SAMD12: variants seen among roughly 807,000 people sequenced by gnomAD.
The protein encoded by SAMD12 is sterile alpha motif domain-containing protein 12.
In SAMD12, 9 loss-of-function variants were observed where a neutral mutation model predicts 15.0. That is an observed-to-expected ratio of 0.60 (90% confidence interval 0.36 to 1.05). The LOEUF is 1.05. Among genes scored for constraint, SAMD12 ranks in the 50% least tolerant of loss-of-function variants. The probability of loss-of-function intolerance (pLI) is 0.01; values close to 1 mark genes in which losing one functional copy is unlikely to be tolerated. For missense variants in SAMD12, 230 were observed against 234.2 expected (o/e 0.98, Z 0.12); for synonymous variants, 86 against 90.1 (o/e 0.96, Z 0.25).
intron 4 of SAMD12, among the ~76,000 whole-genome samples, chr8:118,240,242 T>C (rs527717812): frequency 2.0e-5 from 3 of 152,220 alleles, no homozygotes; most frequent in Admixed American, 2.0e-4. Context: ...GCAGCCCTGA[T>C]TGACACATTG....
chr8:118,146,796 G>A, the SAMD12 span, among the ~76,000 whole-genome samples: 1 of 152,154 alleles, frequency 6.6e-6, no homozygotes, highest in Non-Finnish European at 1.5e-5. Context: ...AAAGAGCCAA[G>A]AATGTTTTTT....
At chr8:118,591,970 T>C (rs951552807) in intron 1 of SAMD12, among the ~76,000 whole-genome samples, 7 of 151,998 alleles carry the variant, frequency 4.6e-5, no homozygotes, top group Non-Finnish European at 1.0e-4. Context: ...GTGATACCTA[T>C]TAAAAAAAGG....
chr8:118,305,588 C>T (rs762340050), intron 4 of SAMD12, among the ~76,000 whole-genome samples: 3 of 152,158 alleles, frequency 2.0e-5, no homozygotes, highest in Non-Finnish European at 4.4e-5. Context: ...CTGCTGTGAA[C>T]ATTGGTGTAC....
chr8:118,162,661 G>A, the SAMD12 span, among the ~76,000 whole-genome samples: 9 of 152,168 alleles, frequency 5.9e-5, no homozygotes, highest in Non-Finnish European at 1.3e-4. Flanking sequence ...CATCACAAAA[G>A]TGATTACTGA....
chr8:118,323,829 A>G (rs1221644327), intron 4 of SAMD12, among the ~76,000 whole-genome samples: 4 of 151,964 alleles, frequency 2.6e-5, no homozygotes, highest in African/African-American at 9.7e-5. Flanking sequence ...TCCTGTCTCA[A>G]AAAAAAATCT....
At chr8:118,446,086 G>A (rs1017161303) in intron 2 of SAMD12, among the ~76,000 whole-genome samples, 6 of 151,984 alleles carry the variant, frequency 3.9e-5, no homozygotes, top group East Asian at 1.9e-4. Context: ...TTATTTTCCC[G>A]TATTTGCATA....
At chr8:118,461,420 C>T (rs1036147901) in intron 2 of SAMD12, among the ~76,000 whole-genome samples, 1 of 152,140 alleles carries the variant, frequency 6.6e-6, no homozygotes, top group Admixed American at 6.5e-5. Flanking sequence ...TGAATGTATT[C>T]TCACTGTAAC....
At chr8:118,165,622 A>ATATGTG in the SAMD12 span, among the ~76,000 whole-genome samples, 1 of 135,852 alleles carries the variant, frequency 7.4e-6, no homozygotes, top group African/African-American at 3.2e-5. Flanking sequence ...ATGTATATAT[A>ATATGTG]TATATATATA....
At chr8:118,216,429 G>A (rs1586352356) in intron 4 of SAMD12, among the ~76,000 whole-genome samples, 1 of 151,694 alleles carries the variant, frequency 6.6e-6, no homozygotes, top group Admixed American at 6.6e-5. Context: ...CACTCTGATG[G>A]TAGTTTCTTT....
chr8:118,582,849 G>A (rs1215196143), intron 1 of SAMD12, among the ~76,000 whole-genome samples: 1 of 151,110 alleles, frequency 6.6e-6, no homozygotes, highest in African/African-American at 2.4e-5. Context: ...GTCCAGTGAT[G>A]GCACAAGTTC....
the SAMD12 span, among the ~76,000 whole-genome samples, chr8:118,136,155 G>C: frequency 5.3e-5 from 8 of 151,984 alleles, no homozygotes; most frequent in African/African-American, 1.7e-4. Flanking sequence ...TCAGCCTCCT[G>C]AGTAGCTGGG....
At chr8:118,454,485 C>T (rs947535197) in intron 2 of SAMD12, among the ~76,000 whole-genome samples, 14 of 152,122 alleles carry the variant, frequency 9.2e-5, no homozygotes, top group Non-Finnish European at 1.8e-4. Context: ...AAAGATCAAG[C>T]CTTGGTGAAT....
intron 2 of SAMD12, among the ~76,000 whole-genome samples, chr8:118,481,108 A>G (rs536555207): frequency 6.6e-6 from 1 of 151,852 alleles, no homozygotes; most frequent in African/African-American, 2.4e-5. Context: ...AAGCCTGGCT[A>G]ATTTTTTTTT....
intron 3 of SAMD12, among the ~76,000 whole-genome samples, chr8:118,433,591 T>C (rs1485095508): frequency 6.6e-6 from 1 of 152,156 alleles, no homozygotes; most frequent in Non-Finnish European, 1.5e-5. Flanking sequence ...TTTAGAAAGC[T>C]AGTAAGTGTT....
At chr8:118,164,347 C>T in the SAMD12 span, among the ~76,000 whole-genome samples, 1 of 152,168 alleles carries the variant, frequency 6.6e-6, no homozygotes, top group Admixed American at 6.5e-5. Flanking sequence ...GTTTCTGCTT[C>T]AGCTGTAACT....
intron 4 of SAMD12, among the ~76,000 whole-genome samples, chr8:118,266,028 G>A (rs1813190878): frequency 6.6e-6 from 1 of 152,120 alleles, no homozygotes; most frequent in African/African-American, 2.4e-5. Context: ...ATTCCAAAGG[G>A]CTGAGGAGGC....
intron 2 of SAMD12, among the ~76,000 whole-genome samples, chr8:118,533,902 C>G (rs1351702559): frequency 6.6e-6 from 1 of 152,074 alleles, no homozygotes; most frequent in Non-Finnish European, 1.5e-5. Context: ...ATCCAATTTG[C>G]CAGTCTGTGT....
At chr8:118,364,860 G>A (rs1818689393) in intron 4 of SAMD12, among the ~76,000 whole-genome samples, 1 of 152,054 alleles carries the variant, frequency 6.6e-6, no homozygotes, top group Admixed American at 6.5e-5. Flanking sequence ...TCTTGGGGAT[G>A]AGGATGACTT....
intron 2 of SAMD12, among the ~76,000 whole-genome samples, chr8:118,551,148 A>C (rs931945584): frequency 6.6e-6 from 1 of 152,194 alleles, no homozygotes; most frequent in South Asian, 2.1e-4. Flanking sequence ...ATACCCAGGA[A>C]TGGAAATCAG....
Sources: allele counts gnomAD v4.1 joint callset (sites outside exome capture counted in the v4.1 genomes callset), GRCh38; gene constraint gnomAD v4.1.1; transcripts MANE v1.5; gene names NCBI Gene and HGNC (gene_info 2026-07-23, HGNC 2026-07-21).